Variants in PCDHGC4 observed in about 807,000 individuals in gnomAD.
PCDHGC4 encodes the protein protocadherin gamma subfamily C, 4.
A neutral mutation model predicts 59.7 loss-of-function variants in PCDHGC4; 15 were observed. That is an observed-to-expected ratio of 0.25 (90% confidence interval 0.17 to 0.39). PCDHGC4 has a LOEUF of 0.39. Ranked by LOEUF, PCDHGC4 falls within the 10% of genes least tolerant of loss-of-function variation. The pLI, the probability that PCDHGC4 is intolerant of heterozygous loss-of-function variation, is 1.00. For missense variants in PCDHGC4, 1,016 were observed against 1,189.5 expected, an observed-to-expected ratio of 0.85 and a Z score of 2.15; for synonymous variants, 434 against 481.4, an observed-to-expected ratio of 0.90 and a Z score of 1.29.
chr5:141,507,365 C>G (rs1279257057), intron 3 of PCDHGC4: 1 of 152,092 alleles, frequency 6.6e-6, no homozygotes, highest in African/African-American at 2.4e-5. Context: ...ACTGGGAGCC[C>G]TGTACTTTTA....
intron 2 of PCDHGC4, among the ~76,000 whole-genome samples, chr5:141,502,866 C>CTTTTTT (rs549047197): frequency 2.0e-4 from 26 of 128,026 alleles, no homozygotes; most frequent in African/African-American, 6.2e-4. Flanking sequence ...GACTCTCTGT[C>CTTTTTT]TTTTTTTTTT....
At chr5:141,508,664 T>C (rs1381178258) in intron 3 of PCDHGC4, among the ~76,000 whole-genome samples, 1 of 152,030 alleles carries the variant, frequency 6.6e-6, no homozygotes, top group Non-Finnish European at 1.5e-5. Context: ...TGTCATTCTG[T>C]CTCTGCCTCC....
At position 141,485,968 on chromosome 5, in the gene PCDHGC4, T is replaced by C; in HGVS notation, c.795T>C (p.Asn265=). The change falls in exon 1 of 4, where the codon AAT becomes AAC. Residue 265 remains asparagine, a synonymous_variant. Coordinates refer to ENST00000306593, the MANE Select transcript of PCDHGC4 (RefSeq NM_018928.3). The surrounding 1 kb of genome is among the most constrained non-coding windows in gnomAD (Gnocchi z 5.7). The stretch of plus-strand genomic sequence containing the variant: ...CGGGCATGGTGCTCATCCAGCTCAA[T>C]GCCTCAGACCCGGACCTGGGTCCCA... ...APAGMVLIQL[N]ASDPDLGPSG... is the part of the protein sequence containing the mutation. 6.2e-7 allele frequency: 1 copy of C among 1,614,216 alleles called. No homozygotes were observed. The highest frequency in any genetic ancestry group is 1.1e-5 in the South Asian group (1 of 91,088).
chr5:141,491,508 G>T lies in PCDHGC4; in HGVS notation c.2443-3299G>T. 1 of 1,614,030 alleles carries T rather than the reference G, an allele frequency of 6.2e-7. No homozygotes were observed. Among genetic ancestry groups the T allele is most frequent in the Non-Finnish European group, 8.5e-7 (1 of 1,180,014 alleles). ...ACCTGCAGGTGAGCTCGGACGGCACGCTCAAGTACATGGAGGTGACGCTGC... is the reference window on the plus strand; with the variant it reads ...ACCTGCAGGTGAGCTCGGACGGCACTCTCAAGTACATGGAGGTGACGCTGC... On this transcript the variant is annotated intron_variant, in intron 1 of 3. Transcript: ENST00000306593. The surrounding 1 kb of genome is among the most constrained non-coding windows in gnomAD (Gnocchi z 6.9).
chr5:141,501,501 T>C (rs2099809553), intron 2 of PCDHGC4, among the ~76,000 whole-genome samples: 1 of 151,938 alleles, frequency 6.6e-6, no homozygotes, highest in Non-Finnish European at 1.5e-5. Context: ...CTGCTGGGGC[T>C]CCAAGGCCTC....
chr5:141,510,015 A>G (rs2099879210), intron 3 of PCDHGC4, among the ~76,000 whole-genome samples: 1 of 152,210 alleles, frequency 6.6e-6, no homozygotes, highest in Non-Finnish European at 1.5e-5. Flanking sequence ...GTCATACCAC[A>G]TAGCTGGCTG....
At position 141,494,852 on chromosome 5, in the gene PCDHGC4, C is replaced by T. The variant is rs755464933; in HGVS notation, c.2488C>T (p.Pro830Ser). ...TDWRFSQAQR[P>S]GTSGSQNGDD... is the part of the protein sequence containing the mutation. Reference sequence around the variant, plus strand: ...CTGGCGTTTCTCTCAGGCCCAGAGACCCGGCACCAGCGGGTAGGTGACTGA... The same window carrying T: ...CTGGCGTTTCTCTCAGGCCCAGAGATCCGGCACCAGCGGGTAGGTGACTGA... The change falls in exon 2 of 4, where the codon CCC (proline) becomes TCC (serine). Residue 830 changes from proline (P) to serine (S), a missense_variant. Coordinates refer to ENST00000306593, the MANE Select transcript of PCDHGC4 (RefSeq NM_018928.3). 6 of 1,614,042 alleles carry T rather than the reference C, an allele frequency of 3.7e-6. No homozygotes were observed. Among genetic ancestry groups the T allele is most frequent in the Admixed American group, 1.7e-5 (1 of 60,000 alleles).
At position 141,499,506 on chromosome 5, in the gene PCDHGC4, CA is replaced by C. The variant is rs759983739; in HGVS notation, c.2501+4644del. Among the ~76,000 whole-genome samples, 6 of 152,086 alleles carry C rather than the reference CA, an allele frequency of 3.9e-5. No homozygotes were observed. The South Asian group carries it at 1.0e-3, about 26-fold the overall frequency. On this transcript the variant is annotated intron_variant, in intron 2 of 3. Coordinates refer to ENST00000306593, the MANE Select transcript of PCDHGC4 (RefSeq NM_018928.3). Reference sequence around the variant, plus strand: ...AACTACAGTTTAATATGAAACATTTCAAATATGTACAAAAGTAGAGAGAATG... The same window carrying C: ...AACTACAGTTTAATATGAAACATTTCAATATGTACAAAAGTAGAGAGAATG...
rs753845173 is a variant in PCDHGC4, at chr5:141,490,873, C to T, written c.2442+3258C>T. On this transcript the variant is annotated intron_variant, in intron 1 of 3. Coordinates refer to ENST00000306593, the MANE Select transcript of PCDHGC4 (RefSeq NM_018928.3). The surrounding 1 kb of genome is among the most constrained non-coding windows in gnomAD (Gnocchi z 5.4). Reference sequence around the variant, plus strand: ...TCGAGACTCCGGCTCTCCCCCATTGCATGCCAACACATCTCTGCATGTGTT... The same window carrying T: ...TCGAGACTCCGGCTCTCCCCCATTGTATGCCAACACATCTCTGCATGTGTT... 5.6e-6 allele frequency: 9 copies of T among 1,613,884 alleles called. No homozygotes were observed. The highest frequency in any genetic ancestry group is 7.6e-6 in the Non-Finnish European group (9 of 1,179,908).
Position 141,487,298 on chromosome 5 carries a change from G to T in PCDHGC4, c.2125G>T (p.Val709Leu). 6.2e-7 allele frequency: 1 copy of T among 1,614,072 alleles called. No individual in the cohort carries two copies. Among genetic ancestry groups the T allele is most frequent in the Non-Finnish European group, 8.5e-7 (1 of 1,180,018 alleles). ...TTGCTTTGTCTCCTTTGGCTCATTC[G>T]TGGCACTACTCTCTAAGTGTCTTCG... ...AICFVSFGSF[V>L]ALLSKCLRGA... The change falls in exon 1 of 4, where the codon GTG becomes TTG. Residue 709 changes from valine to leucine, a missense_variant. Coordinates refer to ENST00000306593, the MANE Select transcript of PCDHGC4 (RefSeq NM_018928.3). This position sits in a 1 kb window ranked among gnomAD's most constrained non-coding sequence, Gnocchi z 5.0.
Position 141,491,733 on chromosome 5 carries a change from TG to T in PCDHGC4, c.2443-3069del. 6.2e-7 allele frequency: 1 copy of T among 1,602,698 alleles called. No individual in the cohort carries two copies. Among genetic ancestry groups the T allele is most frequent in the Non-Finnish European group, 8.5e-7 (1 of 1,175,258 alleles). On this transcript the variant is annotated intron_variant, in intron 1 of 3. Coordinates refer to ENST00000306593, the MANE Select transcript of PCDHGC4 (RefSeq NM_018928.3). This position sits in a 1 kb window ranked among gnomAD's most constrained non-coding sequence, Gnocchi z 6.9. ...GCTCGGCGCCGCCCCGGGCGACCCC[TG>T]GGGGCGGCACTGGAGAAGCCGCCCG...
chr5:141,509,199 GTC>G (rs1017134758), intron 3 of PCDHGC4, among the ~76,000 whole-genome samples: 1 of 152,070 alleles, frequency 6.6e-6, no homozygotes, highest in Non-Finnish European at 1.5e-5. Context: ...AATATTTCCT[GTC>G]TCTCTATTTC....
chr5:141,504,578 TGCCCAGGATTCACAGCAA>T (rs2099839274), intron 2 of PCDHGC4, among the ~76,000 whole-genome samples: 1 of 148,500 alleles, frequency 6.7e-6, no homozygotes, highest in African/African-American at 2.5e-5. Flanking sequence ...GAACACCATC[TGCCCAGGATTCACAGCAA>T]GAGGGAACTT....
Position 141,490,398 on chromosome 5 carries a change from C to A in PCDHGC4, c.2442+2783C>A. 1 of 1,614,168 alleles carries A rather than the reference C, an allele frequency of 6.2e-7. No homozygotes were observed. Among genetic ancestry groups the A allele is most frequent in the South Asian group, 1.1e-5 (1 of 91,088 alleles). On this transcript the variant is annotated intron_variant, in intron 1 of 3. Coordinates refer to ENST00000306593, the MANE Select transcript of PCDHGC4 (RefSeq NM_018928.3). This position sits in a 1 kb window ranked among gnomAD's most constrained non-coding sequence, Gnocchi z 5.4. ...ACTCAGGTAGAAATGGTGAAGTGAG[C>A]CTTGATATCTCTCCGGACCTGCCAT...
intron 3 of PCDHGC4, 126 bp downstream of exon 3, chr5:141,505,607 T>A: frequency 6.5e-7 from 1 of 1,528,684 alleles, no homozygotes. Flanking sequence ...TCGGCAGGTC[T>A]GAAAGGACCC....
At chr5:141,497,060 G>T (rs1244885752) in intron 2 of PCDHGC4, among the ~76,000 whole-genome samples, 1 of 151,952 alleles carries the variant, frequency 6.6e-6, no homozygotes, top group Non-Finnish European at 1.5e-5. Context: ...GTGGTGGCAG[G>T]CACCTGTAAT....
At chr5:141,506,910 G>C (rs1165112258) in intron 3 of PCDHGC4, among the ~76,000 whole-genome samples, 1 of 152,082 alleles carries the variant, frequency 6.6e-6, no homozygotes, top group Admixed American at 6.5e-5. Context: ...ATCACACCTG[G>C]GCACATACTA....
intron 3 of PCDHGC4, among the ~76,000 whole-genome samples, chr5:141,510,741 C>A (rs11953770): frequency 1.3e-5 from 2 of 152,138 alleles, no homozygotes; most frequent in Non-Finnish European, 1.5e-5. Context: ...GGAATCAAAC[C>A]TAGACTTTCT....
chr5:141,489,084 C>G lies in PCDHGC4; in HGVS notation c.2442+1469C>G. ...CTCCCCCCTGCCCACCCCCGCCACT[C>G]GGTGACTAAGAACTGCTGCAAGCAG... On this transcript the variant is annotated intron_variant, in intron 1 of 3. Transcript: ENST00000306593. This position sits in a 1 kb window ranked among gnomAD's most constrained non-coding sequence, Gnocchi z 4.5. 6.1e-6 allele frequency: 2 copies of G among 329,126 alleles called. No homozygotes were observed. The highest frequency in any genetic ancestry group is 2.5e-5 in the African/African-American group (1 of 40,384). 20.4% of individuals were successfully genotyped at this position (329,126 alleles called of 1,614,324 possible). A position where few individuals can be genotyped will look rare whatever the true frequency, so the allele number is the denominator to read the frequency against.
Sources: allele counts gnomAD v4.1 joint callset (sites outside exome capture counted in the v4.1 genomes callset), GRCh38; gene constraint gnomAD v4.1.1; non-coding constraint Gnocchi (gnomAD v3.1); transcripts MANE v1.5; gene names NCBI Gene and HGNC (gene_info 2026-07-23, HGNC 2026-07-21).